EIF2AK2: variants seen among roughly 807,000 people sequenced by gnomAD.
EIF2AK2 encodes interferon-induced, double-stranded RNA-activated protein kinase.
EIF2AK2 carries 40 observed loss-of-function variants against 70.5 expected under a neutral mutation model. The ratio of observed to expected loss-of-function variants is 0.57; its 90% confidence interval spans 0.44 to 0.74. The LOEUF (loss-of-function observed/expected upper bound fraction) is 0.74, where lower values mean the gene tolerates loss of function less well. EIF2AK2 is among the 30% of genes least tolerant of loss of function. The pLI is 0.00. For synonymous variants in EIF2AK2, 198 were observed against 220.9 expected, an observed-to-expected ratio of 0.90 and a Z score of 0.92; for missense variants, 555 against 644.3, an observed-to-expected ratio of 0.86 and a Z score of 1.50.
chr2:37,109,092 C>A, intron 15 of EIF2AK2, 102 bp downstream of exon 15: 1 of 967,074 alleles, frequency 1.0e-6, no homozygotes. Flanking sequence ...CTAATATGCT[C>A]AAGCCCATCC....
chr2:37,101,545 G>T lies in EIF2AK2; in HGVS notation c.*5728C>A, dbSNP rs974263716. 3.9e-5 allele frequency: 6 copies of T among 152,196 alleles called. No individual in the cohort carries two copies. The highest frequency in any genetic ancestry group is 1.4e-4 in the African/African-American group (6 of 41,442). 9.4% of individuals were successfully genotyped at this position (152,196 alleles called of 1,614,324 possible). On this transcript the variant is annotated 3_prime_UTR_variant, in exon 17 of 17. Transcript: ENST00000233057. Reference sequence around the variant, plus strand: ...ATGTTCCTCCTGAAATGATGTAAGAGAAAGTGTATAGCATCACCTATGGAG... The same window carrying T: ...ATGTTCCTCCTGAAATGATGTAAGATAAAGTGTATAGCATCACCTATGGAG...
rs1673782065 is a variant in EIF2AK2, at chr2:37,099,831, G to A, written c.*7442C>T. 6.6e-6 allele frequency: 1 copy of A among 152,136 alleles called. No individual in the cohort carries two copies. Among genetic ancestry groups the A allele is most frequent in the African/African-American group, 2.4e-5 (1 of 41,420 alleles). 9.4% of individuals were successfully genotyped at this position (152,136 alleles called of 1,614,324 possible). Reference sequence around the variant, plus strand: ...ATAGAATATTATTTGGCAATAAAAAGGAATGAGATGCTGATTCATGCCACA... The same window carrying A: ...ATAGAATATTATTTGGCAATAAAAAAGAATGAGATGCTGATTCATGCCACA... On this transcript the variant is annotated 3_prime_UTR_variant, in exon 17 of 17. Coordinates refer to ENST00000233057, the MANE Select transcript of EIF2AK2 (RefSeq NM_001135651.3).
chr2:37,125,008 A>T (rs1674682496), intron 11 of EIF2AK2, among the ~76,000 whole-genome samples: 1 of 151,436 alleles, frequency 6.6e-6, no homozygotes, highest in Non-Finnish European at 1.5e-5. Flanking sequence ...TCTTTTTATT[A>T]TTTTTATTTT....
intron 11 of EIF2AK2, among the ~76,000 whole-genome samples, chr2:37,124,602 G>A (rs1674669812): frequency 1.3e-5 from 2 of 151,994 alleles, no homozygotes; most frequent in Admixed American, 1.3e-4. Flanking sequence ...ATCGATCAGG[G>A]GACAGAACAA....
intron 1 of EIF2AK2, among the ~76,000 whole-genome samples, chr2:37,155,793 T>C (rs951167034): frequency 1.3e-5 from 2 of 151,840 alleles, no homozygotes; most frequent in African/African-American, 4.8e-5. Flanking sequence ...ATAAAAAAAT[T>C]AGTTGGCTGT....
chr2:37,107,570 T>A, intron 15 of EIF2AK2, 43 bp from the exon 16 acceptor site: 1 of 1,575,974 alleles, frequency 6.3e-7, no homozygotes, highest in Non-Finnish European at 8.6e-7. Flanking sequence ...AATTATTTAC[T>A]TGGGAGGAAA....
chr2:37,116,591 G>A (rs949877203), intron 13 of EIF2AK2, among the ~76,000 whole-genome samples: 8 of 152,196 alleles, frequency 5.3e-5, no homozygotes, highest in East Asian at 3.8e-4. Context: ...AGGAGCTTCC[G>A]AGAAGCCAGC....
chr2:37,155,921 C>A (rs1675904874), intron 1 of EIF2AK2, among the ~76,000 whole-genome samples: 1 of 135,358 alleles, frequency 7.4e-6, no homozygotes, highest in South Asian at 2.3e-4. Flanking sequence ...AGCCTGGCGA[C>A]AGAGTGAGAA....
Position 37,102,631 on chromosome 2 carries a change from GCA to G in EIF2AK2, c.*4640_*4641del, listed in dbSNP as rs1344369114. The G allele has an allele frequency of 2.6e-5, 4 of 152,016 alleles. No homozygotes were observed. The highest frequency in any genetic ancestry group is 2.6e-4 in the Admixed American group (4 of 15,264). 9.4% of individuals were successfully genotyped at this position (152,016 alleles called of 1,614,324 possible). On this transcript the variant is annotated 3_prime_UTR_variant, in exon 17 of 17. Transcript: ENST00000233057. Reference sequence around the variant, plus strand: ...AAAATACATATTCATACACATATGTGCACACACACAGGATGGCTTCATGGACA... The same window carrying G: ...AAAATACATATTCATACACATATGTGCACACACAGGATGGCTTCATGGACA...
chr2:37,156,440 A>G (rs1573049601), intron 1 of EIF2AK2, among the ~76,000 whole-genome samples: 1 of 152,192 alleles, frequency 6.6e-6, no homozygotes, highest in South Asian at 2.1e-4. Flanking sequence ...TGGGAACAGG[A>G]ACTGCGGCCA....
At position 37,126,454 on chromosome 2, in the gene EIF2AK2, A is replaced by G. The variant is rs1233334445; in HGVS notation, c.786-43T>C. The stretch of plus-strand genomic sequence containing the variant: ...CTGTTATTTTGACATTTCATGCTCA[A>G]CCCCCACCCCCCCGCCTCCCCACTC... On this transcript the variant is annotated intron_variant, in intron 10 of 16. Transcript: ENST00000233057. 7 of 1,574,168 alleles carry G rather than the reference A, an allele frequency of 4.4e-6. No individual in the cohort carries two copies. The South Asian group carries it at 5.8e-5, about 13-fold the overall frequency.
At chr2:37,131,655 G>A (rs748877360) in intron 10 of EIF2AK2, among the ~76,000 whole-genome samples, 8 of 151,990 alleles carry the variant, frequency 5.3e-5, no homozygotes, top group Non-Finnish European at 1.0e-4. Flanking sequence ...TTCTCTTGCC[G>A]TGTTTTACCA....
chr2:37,109,676 A>G (rs1674079584), intron 14 of EIF2AK2, among the ~76,000 whole-genome samples: 1 of 152,236 alleles, frequency 6.6e-6, no homozygotes, highest in African/African-American at 2.4e-5. Context: ...AACTCAAAGG[A>G]CCACAACAGA....
At chr2:37,144,764 T>C (rs1298686300) in intron 4 of EIF2AK2, among the ~76,000 whole-genome samples, 1 of 152,058 alleles carries the variant, frequency 6.6e-6, no homozygotes, top group East Asian at 1.9e-4. Flanking sequence ...GTGTTTTTAG[T>C]ACAGACAGGG....
chr2:37,153,595 G>C (rs1027550367), intron 1 of EIF2AK2, among the ~76,000 whole-genome samples: 1 of 152,056 alleles, frequency 6.6e-6, no homozygotes, highest in African/African-American at 2.4e-5. Context: ...TTGTCCTTTT[G>C]TGTCTGGTTA....
chr2:37,140,602 C>A (rs1039107743), intron 5 of EIF2AK2, among the ~76,000 whole-genome samples: 1 of 120,122 alleles, frequency 8.3e-6, no homozygotes, highest in South Asian at 2.4e-4. Flanking sequence ...CAGATACTGC[C>A]CCCCCCCGCA....
chr2:37,120,341 T>C (rs1674494624), intron 12 of EIF2AK2, among the ~76,000 whole-genome samples: 1 of 150,528 alleles, frequency 6.6e-6, no homozygotes, highest in Non-Finnish European at 1.5e-5. Context: ...CCGTCTCTAC[T>C]AAAAATACAA....
chr2:37,113,243 C>T (rs1674219517), intron 14 of EIF2AK2, among the ~76,000 whole-genome samples: 1 of 151,996 alleles, frequency 6.6e-6, no homozygotes, highest in Non-Finnish European at 1.5e-5. Flanking sequence ...CGTCTGTAAT[C>T]CCAGCACTTT....
At chr2:37,137,919 T>C (rs1279013016) in intron 8 of EIF2AK2, among the ~76,000 whole-genome samples, 4 of 152,032 alleles carry the variant, frequency 2.6e-5, no homozygotes, top group Non-Finnish European at 5.9e-5. Context: ...GAGACCAGCC[T>C]GAACAACATG....
Sources: gnomAD v4.1 joint callset for allele counts (sites outside exome capture counted in the v4.1 genomes callset) on GRCh38, gnomAD v4.1.1 for gene constraint, MANE v1.5 for transcripts, NCBI Gene and HGNC (gene_info 2026-07-23, HGNC 2026-07-21) for gene names.